The following PIN1 variants were observed in gnomAD, a reference collection of about 807,000 sequenced individuals.
PIN1 encodes the protein peptidyl-prolyl cis-trans isomerase NIMA-interacting 1.
Under a neutral mutation model 19.9 loss-of-function variants are expected in PIN1, and 8 were observed. That is an observed-to-expected ratio of 0.40 (90% confidence interval 0.24 to 0.72). The LOEUF (loss-of-function observed/expected upper bound fraction) is 0.72, where lower values mean the gene tolerates loss of function less well. Among genes scored for constraint, PIN1 ranks in the 30% least tolerant of loss-of-function variants. The pLI is 0.37. For synonymous variants in PIN1, 86 were observed against 90.8 expected (o/e 0.95, Z 0.30); for missense variants, 185 against 226.5 (o/e 0.82, Z 1.18).
chr19:9,844,034 A>G (rs2046194671), intron 2 of PIN1, among the ~76,000 whole-genome samples: 1 of 152,018 alleles, frequency 6.6e-6, no homozygotes, highest in Non-Finnish European at 1.5e-5. Context: ...TGGGTGACAG[A>G]GCCAGATTCT....
intron 2 of PIN1, among the ~76,000 whole-genome samples, chr19:9,842,632 C>T (rs1423716767): frequency 1.3e-5 from 2 of 152,226 alleles, no homozygotes; most frequent in East Asian, 3.9e-4. Flanking sequence ...CACGACCTCC[C>T]TCTCCTGGTA....
chr19:9,840,396 AAAAC>A (rs1245945339), intron 2 of PIN1, among the ~76,000 whole-genome samples: 7 of 152,298 alleles, frequency 4.6e-5, no homozygotes, highest in Admixed American at 4.6e-4. Flanking sequence ...CAAAAAAACA[AAAAC>A]AAAAACAAAA....
chr19:9,837,980 C>G (rs1032623902), intron 1 of PIN1: 2 of 249,376 alleles, frequency 8.0e-6, no homozygotes, highest in Non-Finnish European at 8.0e-6. Context: ...TTCAATGACC[C>G]TAAGGTAGGA....
At chr19:9,845,244 T>TTTTGTGTG (rs1555721917) in intron 2 of PIN1, among the ~76,000 whole-genome samples, 1 of 122,278 alleles carries the variant, frequency 8.2e-6, no homozygotes, top group Non-Finnish European at 1.9e-5. Flanking sequence ...AAGAAAGCGT[T>TTTTGTGTG]TTTGTTTGTT....
At position 9,845,373 on chromosome 19, in the gene PIN1, G is replaced by A. The variant is rs1436454990; in HGVS notation, c.272-2657G>A. Among the ~76,000 whole-genome samples, 5 of 114,634 alleles carry A rather than the reference G, an allele frequency of 4.4e-5. 1 individual carries two copies. The South Asian group carries it at 8.0e-4, about 18-fold the overall frequency. The allele number at this position is 114,634 out of a possible 152,430, so 75.2% of individuals were successfully genotyped here. On this transcript the variant is annotated intron_variant, in intron 2 of 3. Coordinates refer to ENST00000247970, the MANE Select transcript of PIN1 (RefSeq NM_006221.4). ...CTACCTCCCAGTTTCAAGAGAAAGC[G>A]TTTTTTTGTTTGTTTGTTTGTTTGT...
At chr19:9,840,979 C>T (rs1432814583) in intron 2 of PIN1, among the ~76,000 whole-genome samples, 1 of 152,216 alleles carries the variant, frequency 6.6e-6, no homozygotes, top group Admixed American at 6.5e-5. Flanking sequence ...CTGGCTAATA[C>T]AGTAAAGCGG....
intron 2 of PIN1, among the ~76,000 whole-genome samples, chr19:9,844,502 A>G (rs2046199853): frequency 6.6e-6 from 1 of 152,156 alleles, no homozygotes; most frequent in Non-Finnish European, 1.5e-5. Flanking sequence ...CAGCACAGAT[A>G]GGTGCCATTC....
At chr19:9,835,800 G>T (rs754490107) in intron 1 of PIN1, 1 of 228,782 alleles carries the variant, frequency 4.4e-6, no homozygotes, top group Non-Finnish European at 8.4e-6. Flanking sequence ...GCCCGGCCTC[G>T]GGTCCACAAC....
rs976078241 is a variant in PIN1, at chr19:9,838,131, T to C, written c.59-305T>C. ...TCACTCCCTGTCCCCCAGCTTCCTC[T>C]GTTCCATCACTCTGGGTTATTTTCC... On this transcript the variant is annotated intron_variant, in intron 1 of 3. Coordinates refer to ENST00000247970, the MANE Select transcript of PIN1 (RefSeq NM_006221.4). The surrounding 1 kb of genome is among the most constrained non-coding windows in gnomAD (Gnocchi z 5.8). 3 of 439,644 alleles carry C rather than the reference T, an allele frequency of 6.8e-6. No individual in the cohort carries two copies. Among genetic ancestry groups the C allele is most frequent in the African/African-American group, 4.0e-5 (2 of 49,950 alleles). 27.2% of individuals were successfully genotyped at this position (439,644 alleles called of 1,614,324 possible). A position where few individuals can be genotyped will look rare whatever the true frequency, so the allele number is the denominator to read the frequency against.
rs536751306 is a variant in PIN1 at position 9,848,882 on chromosome 19, G to A, written c.383-208G>A. 2.0e-5 allele frequency among the ~76,000 whole-genome samples: 3 copies of A among 152,272 alleles called. No homozygotes were observed. In the East Asian group the frequency reaches 5.8e-4, roughly 30 times the overall value. ...CCTGCTATCCTTCATGCTGTCCTCGGGCTTCCCAGGGCCTCCTTAATGGCC... is the reference window on the plus strand; with the variant it reads ...CCTGCTATCCTTCATGCTGTCCTCGAGCTTCCCAGGGCCTCCTTAATGGCC... On this transcript the variant is annotated intron_variant, in intron 3 of 3. Transcript: ENST00000247970.
intron 2 of PIN1, 49 bp from the exon 3 acceptor site, chr19:9,847,981 C>A (rs760603404): frequency 8.6e-7 from 1 of 1,165,664 alleles, no homozygotes; most frequent in Non-Finnish European, 1.3e-6. Context: ...TCTGGTCAGG[C>A]CCCCCCCAAC....
intron 2 of PIN1, among the ~76,000 whole-genome samples, chr19:9,844,924 T>C (rs1307551299): frequency 6.6e-6 from 1 of 152,164 alleles, no homozygotes; most frequent in Non-Finnish European, 1.5e-5. Flanking sequence ...GTTCTGAGGG[T>C]GCAGCAATGA....
chr19:9,840,828 C>T (rs571718376), intron 2 of PIN1, among the ~76,000 whole-genome samples: 12 of 152,170 alleles, frequency 7.9e-5, no homozygotes, highest in African/African-American at 9.6e-5. Flanking sequence ...AACTCCTGGC[C>T]TCAAGTGATC....
intron 1 of PIN1, chr19:9,836,599 A>G (rs2046108392): frequency 3.2e-6 from 1 of 315,534 alleles, no homozygotes; most frequent in African/African-American, 2.2e-5. Flanking sequence ...ACCCAGGCGA[A>G]CTGTCAGCCT....
chr19:9,849,132 G>T lies in PIN1; in HGVS notation c.425G>T (p.Arg142Leu). The T allele has an allele frequency of 5.0e-6, 8 of 1,613,844 alleles. No homozygotes were observed. The highest frequency in any genetic ancestry group is 6.8e-6 in the Non-Finnish European group (8 of 1,179,852). The change falls in exon 4 of 4, where the codon CGG becomes CTG. Residue 142 changes from arginine (R) to leucine (L), a missense_variant. Transcript: ENST00000247970. ...TTTGAAGACGCCTCGTTTGCGCTGC[G>T]GACGGGGGAGATGAGCGGGCCCGTG... The part of the protein sequence containing the change: ...KPFEDASFAL[R>L]TGEMSGPVFT...
At chr19:9,842,453 G>A (rs1020439789) in intron 2 of PIN1, among the ~76,000 whole-genome samples, 1 of 152,212 alleles carries the variant, frequency 6.6e-6, no homozygotes, top group Non-Finnish European at 1.5e-5. Context: ...GCTCTGCACG[G>A]TGGAGCCTCA....
chr19:9,846,304 G>A lies in PIN1; in HGVS notation c.272-1726G>A, dbSNP rs1457994369. ...GGCCAAGGATAGGGAGAGCAGAGCA[G>A]TAGAGGCTGCGTCATCCCTGGGATG... On this transcript the variant is annotated intron_variant, in intron 2 of 3. Transcript: ENST00000247970. The surrounding 1 kb of genome is among the most constrained non-coding windows in gnomAD (Gnocchi z 5.9). Among the ~76,000 whole-genome samples the A allele has an allele frequency of 6.6e-6, 1 of 152,242 alleles. No homozygotes were observed. The highest frequency in any genetic ancestry group is 2.4e-5 in the African/African-American group (1 of 41,472).
chr19:9,845,704 T>C (rs2046214371), intron 2 of PIN1, among the ~76,000 whole-genome samples: 1 of 152,176 alleles, frequency 6.6e-6, no homozygotes, highest in Non-Finnish European at 1.5e-5. Flanking sequence ...CTGGGTGATA[T>C]GAGCTATTGG....
chr19:9,842,890 C>T (rs1386362918), intron 2 of PIN1, among the ~76,000 whole-genome samples: 1 of 152,238 alleles, frequency 6.6e-6, no homozygotes, highest in Non-Finnish European at 1.5e-5. Flanking sequence ...GGCTAAATCT[C>T]ATCAGTGCCC....
Sources: allele counts gnomAD v4.1 joint callset (sites outside exome capture counted in the v4.1 genomes callset), GRCh38; gene constraint gnomAD v4.1.1; non-coding constraint Gnocchi (gnomAD v3.1); transcripts MANE v1.5; gene names NCBI Gene and HGNC (gene_info 2026-07-23, HGNC 2026-07-21).